Variants in KCNQ1 observed in about 807,000 individuals in gnomAD.
KCNQ1 encodes the protein potassium voltage-gated channel subfamily Q member 1.
KCNQ1 carries 49 observed loss-of-function variants against 72.4 expected under a neutral mutation model. That is an observed-to-expected ratio of 0.68 (90% CI 0.54 to 0.86). The LOEUF (loss-of-function observed/expected upper bound fraction) is 0.86. KCNQ1 is among the 40% of genes least tolerant of loss of function. The pLI is 0.00. For synonymous variants in KCNQ1, 450 were observed against 412.6 expected (o/e 1.09, Z -1.10); for missense variants, 790 against 945.1 (o/e 0.84, Z 2.15).
At chr11:2,582,843 C>T (rs1848521927) in intron 6 of KCNQ1, among the ~76,000 whole-genome samples, 1 of 152,136 alleles carries the variant, frequency 6.6e-6, no homozygotes, top group African/African-American at 2.4e-5. Flanking sequence ...CCTCAGATGC[C>T]AGCGCGGGGG....
Position 2,583,611 on chromosome 11 carries a change from G to A in KCNQ1, c.1032+66G>A, listed in dbSNP as rs530188413. The A allele has an allele frequency of 2.8e-5, 30 of 1,082,498 alleles. No individual in the cohort carries two copies. The African/African-American group carries it at 2.8e-4, about 10-fold the overall frequency. 67.1% of individuals were successfully genotyped at this position (1,082,498 alleles called of 1,614,324 possible). A position where few individuals can be genotyped will look rare whatever the true frequency, so the allele number is the denominator to read the frequency against. ...AGCTGGGGTCCTGGGGTGGCTGCAC[G>A]CCCCTCCCTGTGAGCAGACCCACTT... On this transcript the variant is annotated intron_variant, in intron 7 of 15. Transcript: ENST00000155840.
At chr11:2,825,761 A>G (rs1053218525) in intron 15 of KCNQ1, among the ~76,000 whole-genome samples, 11 of 152,204 alleles carry the variant, frequency 7.2e-5, no homozygotes, top group African/African-American at 2.7e-4. Flanking sequence ...TTCAGTATGA[A>G]TGAGTCTCCG....
At chr11:2,571,863 C>T (rs866249698) in intron 4 of KCNQ1, 150 bp from the exon 5 acceptor site, 64 of 670,102 alleles carry the variant, frequency 9.6e-5, no homozygotes, top group Middle Eastern at 2.8e-4. Flanking sequence ...AGGCCCCTGT[C>T]GGGATGGACA....
Position 2,653,552 on chromosome 11 carries a change from T to TCCCTTCCCGTTCC in KCNQ1, c.1394-8407_1394-8395dup. 1 of 398,822 alleles carries TCCCTTCCCGTTCC rather than the reference T, an allele frequency of 2.5e-6. No homozygotes were observed. Among genetic ancestry groups the TCCCTTCCCGTTCC allele is most frequent in the East Asian group, 3.6e-5 (1 of 28,078 alleles). 24.7% of individuals were successfully genotyped at this position (398,822 alleles called of 1,614,324 possible). A position where few individuals can be genotyped will look rare whatever the true frequency, so the allele number is the denominator to read the frequency against. ...ACTCTCCCCTCTTGCACTCCCCTTCTCCCTTCCCGTTCCCTCTTTTGTTCT... is the reference window on the plus strand; with the variant it reads ...ACTCTCCCCTCTTGCACTCCCCTTCTCCCTTCCCGTTCCCCCTTCCCGTTCCCTCTTTTGTTCT... On this transcript the variant is annotated intron_variant, in intron 10 of 15. Coordinates refer to ENST00000155840, the MANE Select transcript of KCNQ1 (RefSeq NM_000218.3). This position sits in a 1 kb window ranked among gnomAD's most constrained non-coding sequence, Gnocchi z 5.3.
Position 2,624,015 on chromosome 11 carries a change from C to T in KCNQ1, c.1393+35161C>T. 2.5e-6 allele frequency: 1 copy of T among 399,156 alleles called. No homozygotes were observed. Among genetic ancestry groups the T allele is most frequent in the East Asian group, 3.6e-5 (1 of 28,118 alleles). 24.7% of individuals were successfully genotyped at this position (399,156 alleles called of 1,614,324 possible). A position where few individuals can be genotyped will look rare whatever the true frequency, so the allele number is the denominator to read the frequency against. Reference sequence around the variant, plus strand: ...AATGGTATATGTCAAAGTGGCTGTACCATTTTGCATTCCCACCAGCAATGG... The same window carrying T: ...AATGGTATATGTCAAAGTGGCTGTATCATTTTGCATTCCCACCAGCAATGG... On this transcript the variant is annotated intron_variant, in intron 10 of 15. Coordinates refer to ENST00000155840, the MANE Select transcript of KCNQ1 (RefSeq NM_000218.3). This position sits in a 1 kb window ranked among gnomAD's most constrained non-coding sequence, Gnocchi z 4.9.
rs542243612 is a variant in KCNQ1 at position 2,782,768 on chromosome 11, C to T, written c.1794+4731C>T. ...TAATGTCCGTCCATTAGCATTTAGT[C>T]CCATTTTTTATTCTCAATATTATTT... is the stretch of plus-strand genomic sequence containing the variant. On this transcript the variant is annotated intron_variant, in intron 15 of 15. Transcript: ENST00000155840. The surrounding 1 kb of genome is among the most constrained non-coding windows in gnomAD (Gnocchi z 6.1). 1.2e-3 allele frequency among the ~76,000 whole-genome samples: 189 copies of T among 152,200 alleles called. No homozygotes were observed. Among genetic ancestry groups the T allele is most frequent in the African/African-American group, 4.2e-3 (175 of 41,532 alleles).
chr11:2,539,628 C>T (rs1015992634), intron 2 of KCNQ1, among the ~76,000 whole-genome samples: 3 of 152,220 alleles, frequency 2.0e-5, no homozygotes, highest in Non-Finnish European at 4.4e-5. Flanking sequence ...TGGTGAAGGG[C>T]GGCCGCGGCT....
At position 2,462,593 on chromosome 11, in the gene KCNQ1, C is replaced by T. The variant is rs1316171903; in HGVS notation, c.386+17109C>T. ...AGGGACGTGCTCCCACACCCCCATGCGCCATCCTGCAGGTGCTTTCTGCTG... is the reference window on the plus strand; with the variant it reads ...AGGGACGTGCTCCCACACCCCCATGTGCCATCCTGCAGGTGCTTTCTGCTG... On this transcript the variant is annotated intron_variant, in intron 1 of 15. Transcript: ENST00000155840. The surrounding 1 kb of genome is among the most constrained non-coding windows in gnomAD (Gnocchi z 8.2). 1.3e-5 allele frequency among the ~76,000 whole-genome samples: 2 copies of T among 152,148 alleles called. No individual in the cohort carries two copies. Among genetic ancestry groups the T allele is most frequent in the Admixed American group, 1.3e-4 (2 of 15,284 alleles).
At position 2,451,262 on chromosome 11, in the gene KCNQ1, C is replaced by T. The variant is rs1846115710; in HGVS notation, c.386+5778C>T. ...CTCAGATCATCAGGTATTAGATTCTCATAAGAAGCGTGCAACCTAGATCCC... is the reference window on the plus strand; with the variant it reads ...CTCAGATCATCAGGTATTAGATTCTTATAAGAAGCGTGCAACCTAGATCCC... On this transcript the variant is annotated intron_variant, in intron 1 of 15. Transcript: ENST00000155840. This position sits in a 1 kb window ranked among gnomAD's most constrained non-coding sequence, Gnocchi z 6.4. 5.3e-5 allele frequency among the ~76,000 whole-genome samples: 8 copies of T among 152,180 alleles called. No individual in the cohort carries two copies. In the South Asian group the frequency reaches 1.7e-3, roughly 31 times the overall value.
chr11:2,571,842 G>A (rs1177362763), intron 4 of KCNQ1, among the ~76,000 whole-genome samples, 171 bp from the exon 5 acceptor site: 1 of 152,178 alleles, frequency 6.6e-6, no homozygotes, highest in African/African-American at 2.4e-5. Context: ...GCGCCTGAGA[G>A]GGAGATTCCC....
At chr11:2,455,849 T>TAGACCAATGGTACATAGACATTGGTAC in intron 1 of KCNQ1, among the ~76,000 whole-genome samples, 1 of 152,130 alleles carries the variant, frequency 6.6e-6, no homozygotes, top group Non-Finnish European at 1.5e-5. Context: ...TACATAGACA[T>TAGACCAATGGTACATAGACATTGGTAC]ATAGACCAAT....
At chr11:2,722,956 T>C (rs1192550727) in intron 11 of KCNQ1, among the ~76,000 whole-genome samples, 1 of 152,178 alleles carries the variant, frequency 6.6e-6, no homozygotes, top group East Asian at 1.9e-4. Flanking sequence ...ATGAAGGTCT[T>C]TGGGCACTGC....
At chr11:2,539,491 C>T (rs916280137) in intron 2 of KCNQ1, among the ~76,000 whole-genome samples, 9 of 152,220 alleles carry the variant, frequency 5.9e-5, no homozygotes, top group Admixed American at 2.6e-4. Flanking sequence ...GCCCCACAAG[C>T]GTGTGACCCT....
intron 11 of KCNQ1, chr11:2,665,477 G>T (rs1850050468): frequency 7.6e-6 from 3 of 396,190 alleles, no homozygotes; most frequent in Non-Finnish European, 1.3e-5. Flanking sequence ...TGGGGACGGT[G>T]CCATGCCTGT....
chr11:2,689,312 A>C (rs1850549566), intron 11 of KCNQ1: 1 of 398,474 alleles, frequency 2.5e-6, no homozygotes, highest in African/African-American at 2.1e-5. Context: ...ACTCAATGCC[A>C]CCTCAGGACT....
At chr11:2,700,252 C>T (rs1026521188) in intron 11 of KCNQ1, among the ~76,000 whole-genome samples, 1 of 152,144 alleles carries the variant, frequency 6.6e-6, no homozygotes, top group Non-Finnish European at 1.5e-5. Context: ...CGAGCCGCCG[C>T]CCTCCCTGCC....
In KCNQ1 at chr11:2,486,559, A is replaced by G. The variant is rs929762534; in HGVS notation, c.386+41075A>G. 6.6e-6 allele frequency among the ~76,000 whole-genome samples: 1 copy of G among 152,170 alleles called. No homozygotes were observed. Among genetic ancestry groups the G allele is most frequent in the East Asian group, 1.9e-4 (1 of 5,192 alleles). The stretch of plus-strand genomic sequence containing the variant: ...GTGCCTTTGGTCTTTGTGTTAGTCC[A>G]TTTAGCATTGCTATAAAGGAATACC... On this transcript the variant is annotated intron_variant, in intron 1 of 15. Coordinates refer to ENST00000155840, the MANE Select transcript of KCNQ1 (RefSeq NM_000218.3). The surrounding 1 kb of genome is among the most constrained non-coding windows in gnomAD (Gnocchi z 5.0).
intron 2 of KCNQ1, among the ~76,000 whole-genome samples, chr11:2,535,677 A>G (rs893335517): frequency 2.0e-5 from 3 of 152,284 alleles, no homozygotes; most frequent in Admixed American, 6.5e-5. Flanking sequence ...TCCTGAAAGC[A>G]TCTCTATCAC....
rs1329482183 is a variant in KCNQ1 at position 2,848,159 on chromosome 11, C to A, written c.*156C>A. 5 of 759,446 alleles carry A rather than the reference C, an allele frequency of 6.6e-6. No individual in the cohort carries two copies. Among genetic ancestry groups the A allele is most frequent in the Non-Finnish European group, 1.1e-5 (5 of 445,486 alleles). 47.0% of individuals were successfully genotyped at this position (759,446 alleles called of 1,614,324 possible). A position where few individuals can be genotyped will look rare whatever the true frequency, so the allele number is the denominator to read the frequency against. ...ACCCCATGGACCATGCTGTCTGGCACAGCCTGCACTTGGGGGCTCAGCAAG... is the reference window on the plus strand; with the variant it reads ...ACCCCATGGACCATGCTGTCTGGCAAAGCCTGCACTTGGGGGCTCAGCAAG... On this transcript the variant is annotated 3_prime_UTR_variant, in exon 16 of 16. Coordinates refer to ENST00000155840, the MANE Select transcript of KCNQ1 (RefSeq NM_000218.3).
Sources: allele counts gnomAD v4.1 joint callset (sites outside exome capture counted in the v4.1 genomes callset), GRCh38; gene constraint gnomAD v4.1.1; non-coding constraint Gnocchi (gnomAD v3.1); transcripts MANE v1.5; gene names NCBI Gene and HGNC (gene_info 2026-07-23, HGNC 2026-07-21).